CAB39: variants seen among roughly 807,000 people sequenced by gnomAD.
The protein encoded by CAB39 is calcium-binding protein 39.
Under a neutral mutation model 40.0 loss-of-function variants are expected in CAB39, and 8 were observed. That is an observed-to-expected ratio of 0.20 (90% CI 0.12 to 0.36). CAB39 has a LOEUF of 0.36. CAB39 is among the 10% of genes least tolerant of loss of function. The pLI is 1.00. For missense variants in CAB39, 270 were observed against 401.1 expected, an observed-to-expected ratio of 0.67 and a Z score of 2.79; for synonymous variants, 156 against 141.6, an observed-to-expected ratio of 1.10 and a Z score of -0.72.
At chr2:230,765,011 G>A (rs538264938) in intron 2 of CAB39, among the ~76,000 whole-genome samples, 22 of 151,974 alleles carry the variant, frequency 1.4e-4, no homozygotes, top group African/African-American at 4.8e-4. Context: ...TTTTTGAGAC[G>A]GAGTCTCGCT....
At position 230,754,498 on chromosome 2, in the gene CAB39, C is replaced by T. The variant is rs140960395; in HGVS notation, c.-43-5461C>T. On this transcript the variant is annotated intron_variant, in intron 1 of 8. Coordinates refer to ENST00000258418, the MANE Select transcript of CAB39 (RefSeq NM_016289.4). Reference sequence around the variant, plus strand: ...CCTACTCCTTCCGCTCCTCTTCCTCCTCCTCCTCATCCCTCCTTCTCCTCC... The same window carrying T: ...CCTACTCCTTCCGCTCCTCTTCCTCTTCCTCCTCATCCCTCCTTCTCCTCC... 1.0e-3 allele frequency among the ~76,000 whole-genome samples: 154 copies of T among 149,976 alleles called. 2 individuals are homozygous for T. The highest frequency in any genetic ancestry group is 9.4e-3 in the East Asian group (48 of 5,084).
At chr2:230,761,332 A>G (rs536832402) in intron 2 of CAB39, among the ~76,000 whole-genome samples, 6 of 152,188 alleles carry the variant, frequency 3.9e-5, no homozygotes, top group Non-Finnish European at 2.9e-5. Flanking sequence ...TTTATATGCT[A>G]CCGATAAGCA....
intron 1 of CAB39, among the ~76,000 whole-genome samples, chr2:230,733,345 G>A (rs762341992): frequency 2.7e-4 from 41 of 151,970 alleles, no homozygotes; most frequent in Non-Finnish European, 4.4e-4. Context: ...TAAGGCTGTC[G>A]TATCAGGTCC....
chr2:230,781,877 C>T (rs1695692560), intron 2 of CAB39, among the ~76,000 whole-genome samples: 1 of 152,010 alleles, frequency 6.6e-6, no homozygotes, highest in South Asian at 2.1e-4. Flanking sequence ...TGTTTTTTTC[C>T]TTCTTGAAAC....
rs542658595 is a variant in CAB39 at position 230,754,582 on chromosome 2, G to A, written c.-43-5377G>A. Reference sequence around the variant, plus strand: ...TGCTCAGGCTGGAGTGCAGTGGCACGATCTCAGCTCACTGCAACCTCCGCC... The same window carrying A: ...TGCTCAGGCTGGAGTGCAGTGGCACAATCTCAGCTCACTGCAACCTCCGCC... On this transcript the variant is annotated intron_variant, in intron 1 of 8. Transcript: ENST00000258418. Among the ~76,000 whole-genome samples, 576 of 151,814 alleles carry A rather than the reference G, an allele frequency of 3.8e-3. 7 individuals are homozygous for A. The highest frequency in any genetic ancestry group is 0.03 in the South Asian group (146 of 4,806).
At chr2:230,723,618 A>G (rs971646231) in intron 1 of CAB39, among the ~76,000 whole-genome samples, 1 of 152,094 alleles carries the variant, frequency 6.6e-6, no homozygotes, top group Non-Finnish European at 1.5e-5. Context: ...TGCTGTCACC[A>G]TGGCACCCAG....
chr2:230,735,730 G>A (rs1376910990), intron 1 of CAB39, among the ~76,000 whole-genome samples: 1 of 151,608 alleles, frequency 6.6e-6, no homozygotes, highest in Non-Finnish European at 1.5e-5. Flanking sequence ...GCCCAGGCTG[G>A]TCTTGAACTC....
chr2:230,806,057 T>A (rs1440376545), intron 5 of CAB39, among the ~76,000 whole-genome samples: 1 of 152,156 alleles, frequency 6.6e-6, no homozygotes, highest in Non-Finnish European at 1.5e-5. Context: ...GGTCTTCCAC[T>A]TGAGGACCCA....
chr2:230,756,154 C>G (rs1695186331), intron 1 of CAB39, among the ~76,000 whole-genome samples: 1 of 152,204 alleles, frequency 6.6e-6, no homozygotes, highest in South Asian at 2.1e-4. Context: ...TCCTGTGTTG[C>G]TTAACAACTG....
chr2:230,757,163 A>AGT (rs1411899317), intron 1 of CAB39, among the ~76,000 whole-genome samples: 1 of 152,194 alleles, frequency 6.6e-6, no homozygotes, highest in Non-Finnish European at 1.5e-5. Flanking sequence ...GCTGGAGTGC[A>AGT]GTGGTACAGT....
chr2:230,735,021 C>T (rs959831852), intron 1 of CAB39, among the ~76,000 whole-genome samples: 1 of 152,140 alleles, frequency 6.6e-6, no homozygotes, highest in Non-Finnish European at 1.5e-5. Context: ...CTTATCTCAT[C>T]GGCTTGTTTT....
intron 2 of CAB39, among the ~76,000 whole-genome samples, chr2:230,770,771 A>G (rs1463823340): frequency 6.6e-6 from 1 of 152,226 alleles, no homozygotes; most frequent in South Asian, 2.1e-4. Context: ...AAAGTTAATC[A>G]GTATAATTCA....
At chr2:230,766,073 T>C (rs996760373) in intron 2 of CAB39, among the ~76,000 whole-genome samples, 1 of 152,146 alleles carries the variant, frequency 6.6e-6, no homozygotes, top group Non-Finnish European at 1.5e-5. Context: ...CGAAAGGAAG[T>C]AGCAACTAAT....
chr2:230,775,512 G>A (rs1192408160), intron 2 of CAB39, among the ~76,000 whole-genome samples: 1 of 152,086 alleles, frequency 6.6e-6, no homozygotes, highest in Non-Finnish European at 1.5e-5. Context: ...GGGATTACAG[G>A]CATGAACCAC....
intron 1 of CAB39, among the ~76,000 whole-genome samples, chr2:230,739,302 C>T (rs747200283): frequency 6.6e-6 from 1 of 152,112 alleles, no homozygotes; most frequent in Non-Finnish European, 1.5e-5. Flanking sequence ...CTGAAGTTCC[C>T]GTTTTCTGAA....
At chr2:230,770,489 G>T (rs376214221) in intron 2 of CAB39, among the ~76,000 whole-genome samples, 1 of 152,298 alleles carries the variant, frequency 6.6e-6, no homozygotes, top group South Asian at 2.1e-4. Context: ...GGCCCAGATG[G>T]CGTTGTTAGA....
chr2:230,739,722 G>A (rs566274866), intron 1 of CAB39, among the ~76,000 whole-genome samples: 2 of 152,308 alleles, frequency 1.3e-5, no homozygotes, highest in East Asian at 1.9e-4. Context: ...TTGAACTCCC[G>A]ACCTCGGGTG....
At chr2:230,799,149 T>G in intron 5 of CAB39, 1 of 410,086 alleles carries the variant, frequency 2.4e-6, no homozygotes, top group Non-Finnish European at 4.4e-6. Flanking sequence ...TGCTGTTAAA[T>G]TATAATTAAG....
At chr2:230,772,234 A>G (rs1346241211) in intron 2 of CAB39, among the ~76,000 whole-genome samples, 1 of 152,218 alleles carries the variant, frequency 6.6e-6, no homozygotes, top group African/African-American at 2.4e-5. Flanking sequence ...GAAACAATCC[A>G]GTTAAGAGTG....
Sources: allele counts gnomAD v4.1 joint callset (sites outside exome capture counted in the v4.1 genomes callset), GRCh38; gene constraint gnomAD v4.1.1; transcripts MANE v1.5; gene names NCBI Gene and HGNC (gene_info 2026-07-23, HGNC 2026-07-21).